Variants in AFF3 observed in about 807,000 individuals in gnomAD.
The protein encoded by AFF3 is ALF transcription elongation factor 3.
Under a neutral mutation model 129.7 loss-of-function variants are expected in AFF3, and 32 were observed. The observed-to-expected ratio is 0.25, with a 90% CI of 0.19 to 0.33. The LOEUF is 0.33. Among genes scored for constraint, AFF3 ranks in the 10% least tolerant of loss-of-function variants. AFF3 has a pLI of 1.00. For missense variants in AFF3, 1,373 were observed against 1,592.0 expected (o/e 0.86, Z 2.34); for synonymous variants, 644 against 635.4 (o/e 1.01, Z -0.20).
At chr2:100,026,373 G>A (rs963994436) in intron 4 of AFF3, among the ~76,000 whole-genome samples, 6 of 152,108 alleles carry the variant, frequency 3.9e-5, no homozygotes, top group Non-Finnish European at 7.4e-5. Flanking sequence ...TGCAAGAATG[G>A]CCATAATCAA....
chr2:99,911,748 C>T (rs1299256107), intron 7 of AFF3, among the ~76,000 whole-genome samples: 2 of 152,144 alleles, frequency 1.3e-5, no homozygotes, highest in Non-Finnish European at 2.9e-5. Flanking sequence ...AGACTTGTAT[C>T]AAAAACATGT....
chr2:99,574,674 T>C (rs1267618358), intron 18 of AFF3, among the ~76,000 whole-genome samples: 2 of 152,192 alleles, frequency 1.3e-5, no homozygotes, highest in African/African-American at 2.4e-5. Context: ...TTAACAAGTA[T>C]TTATAATACA....
chr2:99,938,661 A>G (rs959196530), intron 7 of AFF3, among the ~76,000 whole-genome samples: 1 of 152,172 alleles, frequency 6.6e-6, no homozygotes, highest in Non-Finnish European at 1.5e-5. Context: ...AGAGAAAAAG[A>G]CTGAGGCCCT....
intron 1 of AFF3, among the ~76,000 whole-genome samples, chr2:100,140,998 G>A (rs1409851572): frequency 1.3e-5 from 2 of 151,902 alleles, no homozygotes; most frequent in African/African-American, 4.8e-5. Flanking sequence ...TGATGATGAT[G>A]ATGACAATGA....
At position 99,830,951 on chromosome 2, in the gene AFF3, C is replaced by T. The variant is rs538214014; in HGVS notation, c.921+6526G>A. On this transcript the variant is annotated intron_variant, in intron 8 of 24. Transcript: ENST00000672756. ...GGGTGGGTGGCTGGAGAAAGGCAGG[C>T]ACCAGCCCTGGCCAGGATGCCAGAC... Among the ~76,000 whole-genome samples the T allele has an allele frequency of 5.8e-4, 89 of 152,240 alleles. No homozygotes were observed. The South Asian group carries it at 0.018, about 30-fold the overall frequency.
chr2:99,836,934 C>T (rs76126898), intron 8 of AFF3, among the ~76,000 whole-genome samples: 16 of 152,018 alleles, frequency 1.1e-4, no homozygotes, highest in East Asian at 3.9e-4. Context: ...AATCTGGGCA[C>T]GAAACTGGTT....
In AFF3 at chr2:99,694,141, G is replaced by A. The variant is rs191745188; in HGVS notation, c.1092-21552C>T. Among the ~76,000 whole-genome samples the A allele has an allele frequency of 1.5e-4, 23 of 151,790 alleles. No homozygotes were observed. In the East Asian group the frequency reaches 4.2e-3, roughly 28 times the overall value. On this transcript the variant is annotated intron_variant, in intron 11 of 24. Transcript: ENST00000672756. ...TCGAACTCTTGCTCTCAGGTGATCC[G>A]CCTGCCTCGGCCTCCCAAAGTACTG...
chr2:99,585,186 C>CT (rs1677972966), intron 16 of AFF3, among the ~76,000 whole-genome samples: 1 of 152,066 alleles, frequency 6.6e-6, no homozygotes, highest in Non-Finnish European at 1.5e-5. Flanking sequence ...TCCTCAGTCT[C>CT]TATTATTTGA....
At chr2:99,791,302 T>C (rs1312107897) in intron 8 of AFF3, among the ~76,000 whole-genome samples, 1 of 152,234 alleles carries the variant, frequency 6.6e-6, no homozygotes, top group Admixed American at 6.5e-5. Flanking sequence ...GATGCTTATA[T>C]AAAATGATAT....
chr2:99,903,372 ATACTTTT>A (rs1694487507), intron 7 of AFF3, among the ~76,000 whole-genome samples: 1 of 152,188 alleles, frequency 6.6e-6, no homozygotes, highest in Non-Finnish European at 1.5e-5. Flanking sequence ...CACTCTATCA[ATACTTTT>A]TGAGTACAGG....
At chr2:99,715,265 T>A (rs1042079205) in intron 11 of AFF3, among the ~76,000 whole-genome samples, 1 of 152,212 alleles carries the variant, frequency 6.6e-6, no homozygotes, top group Non-Finnish European at 1.5e-5. Context: ...TTTACCACCC[T>A]TAACATCTTC....
At chr2:99,869,428 G>C (rs1691692757) in intron 7 of AFF3, among the ~76,000 whole-genome samples, 1 of 151,838 alleles carries the variant, frequency 6.6e-6, no homozygotes, top group Non-Finnish European at 1.5e-5. Context: ...GAGCTGGAGG[G>C]TGGGGGTGGG....
chr2:99,666,721 T>C (rs1335213016), intron 12 of AFF3, among the ~76,000 whole-genome samples: 1 of 152,308 alleles, frequency 6.6e-6, no homozygotes, highest in East Asian at 1.9e-4. Flanking sequence ...AGTTACATTA[T>C]GAAAGCATTA....
At chr2:100,053,691 A>G (rs1203267598) in intron 4 of AFF3, among the ~76,000 whole-genome samples, 1 of 152,190 alleles carries the variant, frequency 6.6e-6, no homozygotes, top group Non-Finnish European at 1.5e-5. Context: ...ATATGCAGAC[A>G]GCACAAAGGG....
rs1200848009 is a variant in AFF3, at chr2:99,675,987, T to TC, written c.1092-3399_1092-3398insG. 2.7e-5 allele frequency among the ~76,000 whole-genome samples: 4 copies of TC among 148,858 alleles called. No homozygotes were observed. In the East Asian group the frequency reaches 8.0e-4, roughly 30 times the overall value. On this transcript the variant is annotated intron_variant, in intron 11 of 24. Transcript: ENST00000672756. ...GAGGGGTGGAGATCTCCTACTGTTT[T>TC]TTTTTTTTTTTAAAGGGAAGGCAAA...
intron 8 of AFF3, among the ~76,000 whole-genome samples, chr2:99,805,833 C>CACACAA (rs1686305239): frequency 6.6e-6 from 1 of 151,736 alleles, no homozygotes; most frequent in Admixed American, 6.6e-5. Context: ...CACACACACA[C>CACACAA]ACACACACAC....
At chr2:99,656,175 TTAAG>T (rs776548667) in intron 12 of AFF3, among the ~76,000 whole-genome samples, 2 of 152,206 alleles carry the variant, frequency 1.3e-5, no homozygotes, top group Non-Finnish European at 2.9e-5. Context: ...TAAATGCCAA[TTAAG>T]TAAGAAACAT....
At chr2:99,858,402 T>C (rs1307292722) in intron 7 of AFF3, among the ~76,000 whole-genome samples, 2 of 137,484 alleles carry the variant, frequency 1.5e-5, no homozygotes, top group African/African-American at 5.7e-5. Context: ...AAAAAAAAAA[T>C]TAGCTGGGCA....
intron 13 of AFF3, among the ~76,000 whole-genome samples, chr2:99,620,302 T>C (rs1321061255): frequency 6.6e-6 from 1 of 152,150 alleles, no homozygotes; most frequent in Non-Finnish European, 1.5e-5. Flanking sequence ...CCGTCACTTC[T>C]AATACCCTTC....
Sources: gnomAD v4.1 joint callset for allele counts (sites outside exome capture counted in the v4.1 genomes callset) on GRCh38, gnomAD v4.1.1 for gene constraint, MANE v1.5 for transcripts, NCBI Gene and HGNC (gene_info 2026-07-23, HGNC 2026-07-21) for gene names.